The following RUNDC3B variants were observed in gnomAD, a reference collection of about 807,000 sequenced individuals.
RUNDC3B encodes the protein RUN domain-containing protein 3B.
A neutral mutation model predicts 58.4 loss-of-function variants in RUNDC3B; 33 were observed. The ratio of observed to expected loss-of-function variants is 0.56; its 90% CI spans 0.43 to 0.75. The LOEUF is 0.75. RUNDC3B is among the 30% of genes least tolerant of loss of function. The pLI is 0.00. For missense variants in RUNDC3B, 501 were observed against 535.7 expected (o/e 0.94, Z 0.64); for synonymous variants, 193 against 195.2 (o/e 0.99, Z 0.10).
intron 10 of RUNDC3B, among the ~76,000 whole-genome samples, chr7:87,822,529 C>G (rs1373039688): frequency 6.6e-6 from 1 of 152,174 alleles, no homozygotes; most frequent in Non-Finnish European, 1.5e-5. Flanking sequence ...CCATCCATCC[C>G]ATTACTGGGT....
chr7:87,782,313 A>G (rs776046929), intron 8 of RUNDC3B, among the ~76,000 whole-genome samples: 2 of 152,086 alleles, frequency 1.3e-5, no homozygotes, highest in Non-Finnish European at 2.9e-5. Context: ...GATTAGCTGT[A>G]ATGTCAACTC....
At chr7:87,821,233 T>C (rs1448376067) in intron 10 of RUNDC3B, among the ~76,000 whole-genome samples, 2 of 151,990 alleles carry the variant, frequency 1.3e-5, no homozygotes, top group South Asian at 2.1e-4. Context: ...ACAAGCATTC[T>C]TATACACCAA....
intron 2 of RUNDC3B, among the ~76,000 whole-genome samples, chr7:87,681,935 G>A (rs571994256): frequency 2.6e-5 from 4 of 152,252 alleles, no homozygotes; most frequent in East Asian, 3.9e-4. Flanking sequence ...ATTTGGTAGC[G>A]TTCTACCCAC....
chr7:87,704,596 A>G (rs1448773874), intron 3 of RUNDC3B, among the ~76,000 whole-genome samples: 1 of 152,242 alleles, frequency 6.6e-6, no homozygotes, highest in Non-Finnish European at 1.5e-5. Context: ...GCACAGCAAT[A>G]TGTTATCTAG....
At chr7:87,674,164 G>A (rs2130540924) in intron 2 of RUNDC3B, among the ~76,000 whole-genome samples, 1 of 152,320 alleles carries the variant, frequency 6.6e-6, no homozygotes, top group East Asian at 1.9e-4. Context: ...CGAGGTGGTG[G>A]CAGTGGGATT....
At chr7:87,634,089 C>G (rs1821495037) in intron 1 of RUNDC3B, among the ~76,000 whole-genome samples, 1 of 152,020 alleles carries the variant, frequency 6.6e-6, no homozygotes, top group Non-Finnish European at 1.5e-5. Flanking sequence ...TCAACCTACT[C>G]TTCTAGGAAC....
At chr7:87,720,238 TTTC>T (rs1212023123) in intron 4 of RUNDC3B, among the ~76,000 whole-genome samples, 2 of 152,124 alleles carry the variant, frequency 1.3e-5, no homozygotes, top group African/African-American at 4.8e-5. Flanking sequence ...TTATTTAACT[TTTC>T]TTATTATAAG....
Position 87,741,552 on chromosome 7 carries a change from A to G in RUNDC3B, c.602A>G (p.Tyr201Cys), listed in dbSNP as rs145808102. ...GGCAGTTTTCCTGCTGTAATAGACT[A>G]TACACCATATTTGAAGTATATCCAA... ...LDGSFPAVID[Y>C]TPYLKYIQSS... is the part of the protein sequence containing the mutation. The change falls in exon 6 of 11, where the codon TAT becomes TGT. Residue 201 changes from tyrosine to cysteine, a missense_variant. Physicochemically the swap from Tyr to Cys is radical, Grantham distance 194 (BLOSUM62 -2). Coordinates refer to ENST00000394654, the MANE Select transcript of RUNDC3B (RefSeq NM_001134405.2). 23 of 1,585,452 alleles carry G rather than the reference A, an allele frequency of 1.5e-5. No individual in the cohort carries two copies. The highest frequency in any genetic ancestry group is 1.8e-5 in the Non-Finnish European group (21 of 1,159,506).
chr7:87,769,289 G>A (rs188240395), intron 6 of RUNDC3B, among the ~76,000 whole-genome samples: 1 of 152,242 alleles, frequency 6.6e-6, no homozygotes, highest in African/African-American at 2.4e-5. Flanking sequence ...GGTATTACAG[G>A]AATGAGCTAA....
intron 1 of RUNDC3B, among the ~76,000 whole-genome samples, chr7:87,633,844 T>A (rs1288882420): frequency 1.3e-5 from 2 of 152,140 alleles, no homozygotes; most frequent in East Asian, 3.9e-4. Context: ...GACAGTATAA[T>A]CTGTCTTATC....
rs1823284942 is a variant in RUNDC3B at position 87,648,822 on chromosome 7, A to C, written c.123-2000A>C. ...ATTATTTTGCATGGTTTCAACTTGC[A>C]GAGTTACTGTTATGGTCCTGTACTG... On this transcript the variant is annotated intron_variant, in intron 1 of 10. Coordinates refer to ENST00000394654, the MANE Select transcript of RUNDC3B (RefSeq NM_001134405.2). 3.9e-5 allele frequency among the ~76,000 whole-genome samples: 6 copies of C among 152,240 alleles called. No homozygotes were observed. The South Asian group carries it at 1.2e-3, about 32-fold the overall frequency.
chr7:87,636,054 T>C (rs1339095266), intron 1 of RUNDC3B, among the ~76,000 whole-genome samples: 1 of 152,218 alleles, frequency 6.6e-6, no homozygotes, highest in African/African-American at 2.4e-5. Flanking sequence ...TTCATTCATA[T>C]TTATTTTTGT....
intron 2 of RUNDC3B, among the ~76,000 whole-genome samples, chr7:87,686,747 C>A (rs1827498937): frequency 6.6e-6 from 1 of 150,502 alleles, no homozygotes; most frequent in Non-Finnish European, 1.5e-5. Context: ...TGAGACCCAC[C>A]TGGGCAACAT....
intron 6 of RUNDC3B, among the ~76,000 whole-genome samples, chr7:87,751,406 A>G (rs531017999): frequency 1.3e-5 from 2 of 152,196 alleles, no homozygotes; most frequent in South Asian, 2.1e-4. Flanking sequence ...GTTTTTTCCA[A>G]TTCTGTGAAG....
intron 10 of RUNDC3B, among the ~76,000 whole-genome samples, chr7:87,819,919 C>A (rs895640835): frequency 3.3e-5 from 5 of 151,750 alleles, no homozygotes; most frequent in East Asian, 1.9e-4. Flanking sequence ...GCACTAAATG[C>A]CCACAAGAGA....
intron 8 of RUNDC3B, among the ~76,000 whole-genome samples, chr7:87,799,189 G>T (rs1375645468): frequency 1.3e-5 from 2 of 152,152 alleles, no homozygotes; most frequent in South Asian, 2.1e-4. Flanking sequence ...GGTGAGTCAG[G>T]CCCAGTTCTA....
At chr7:87,708,500 G>C (rs1829800029) in intron 3 of RUNDC3B, among the ~76,000 whole-genome samples, 1 of 152,096 alleles carries the variant, frequency 6.6e-6, no homozygotes, top group South Asian at 2.1e-4. Flanking sequence ...GTAATCTATA[G>C]TTAAAAATCA....
intron 8 of RUNDC3B, among the ~76,000 whole-genome samples, chr7:87,792,609 C>G (rs1417079424): frequency 1.3e-5 from 2 of 151,886 alleles, no homozygotes; most frequent in Non-Finnish European, 2.9e-5. Flanking sequence ...CCTGAATGAC[C>G]AGTGGGTCAG....
At chr7:87,684,868 C>T (rs181736337) in intron 2 of RUNDC3B, among the ~76,000 whole-genome samples, 11 of 150,562 alleles carry the variant, frequency 7.3e-5, no homozygotes, top group Non-Finnish European at 1.5e-4. Context: ...AAAGTGATAA[C>T]CTTTAAGAAT....
Sources: gnomAD v4.1 joint callset for allele counts (sites outside exome capture counted in the v4.1 genomes callset) on GRCh38, gnomAD v4.1.1 for gene constraint, MANE v1.5 for transcripts, NCBI Gene and HGNC (gene_info 2026-07-23, HGNC 2026-07-21) for gene names.